Variants in MAGI2 observed in about 807,000 individuals in gnomAD.
MAGI2 encodes membrane associated guanylate kinase, WW and PDZ domain containing 2.
Under a neutral mutation model 133.3 loss-of-function variants are expected in MAGI2, and 35 were observed. That is an observed-to-expected ratio of 0.26 (90% CI 0.20 to 0.35). The LOEUF (loss-of-function observed/expected upper bound fraction) is 0.35, where lower values mean the gene tolerates loss of function less well. MAGI2 is among the 10% of genes least tolerant of loss of function. MAGI2 has a pLI of 1.00. For missense variants in MAGI2, 1,636 were observed against 1,863.4 expected, an observed-to-expected ratio of 0.88 and a Z score of 2.25; for synonymous variants, 729 against 710.6, an observed-to-expected ratio of 1.03 and a Z score of -0.41.
chr7:78,923,098 C>T (rs137965894), intron 2 of MAGI2, among the ~76,000 whole-genome samples: 40,213 of 151,810 alleles, frequency 0.26, 5,759 homozygotes, highest in South Asian at 0.37. Context: ...TATTAGCCCT[C>T]TGTCAGATGA....
intron 2 of MAGI2, among the ~76,000 whole-genome samples, chr7:78,656,749 TTAAAAA>T (rs1355992453): frequency 6.6e-6 from 1 of 152,096 alleles, no homozygotes; most frequent in Non-Finnish European, 1.5e-5. Flanking sequence ...ATATATACAA[TTAAAAA>T]TAATCACGTT....
At chr7:78,822,955 A>G (rs543720879) in intron 2 of MAGI2, among the ~76,000 whole-genome samples, 1 of 152,326 alleles carries the variant, frequency 6.6e-6, no homozygotes, top group African/African-American at 2.4e-5. Context: ...TCAGTATAAA[A>G]TATTTTTACT....
intron 1 of MAGI2, among the ~76,000 whole-genome samples, chr7:79,031,225 T>C (rs570944022): frequency 6.6e-6 from 1 of 152,318 alleles, no homozygotes. Flanking sequence ...TCCATTCTCA[T>C]CATTCACCAT....
chr7:79,374,615 C>T (rs848918), intron 1 of MAGI2, among the ~76,000 whole-genome samples: 75,898 of 151,722 alleles, frequency 0.5, 20,421 homozygotes, highest in African/African-American at 0.7. Flanking sequence ...ATCTTTTATA[C>T]AATATACATG....
chr7:78,677,941 AC>A (rs1341940682), intron 2 of MAGI2, among the ~76,000 whole-genome samples: 2 of 152,222 alleles, frequency 1.3e-5, no homozygotes, highest in African/African-American at 4.8e-5. Flanking sequence ...AAAAAACAGA[AC>A]CAAAATCTAA....
Position 78,019,967 on chromosome 7 carries a change from G to C in MAGI2, c.3716C>G (p.Ala1239Gly), listed in dbSNP as rs1353220793. 6.2e-7 allele frequency: 1 copy of C among 1,605,490 alleles called. No homozygotes were observed. Among genetic ancestry groups the C allele is most frequent in the Admixed American group, 1.7e-5 (1 of 58,916 alleles). Residue 1239 changes from alanine to glycine, a missense_variant, in exon 22 of 22, where the codon GCC becomes GGC. Around this residue, in one of 5 missense-constraint regions of MAGI2, gnomAD observed 354 missense variants for 298.7 expected, o/e 1.19. Transcript: ENST00000354212. ...GGCGGCAGCGGGAGAACTCCAGGGG[G>C]CGGGTTCGTCTGTGGACGGGAAGCA... ...TGQVPEYDEP[A>G]PWSSPAAAAP...
chr7:78,315,228 T>G (rs567796574), intron 9 of MAGI2, among the ~76,000 whole-genome samples: 2 of 152,254 alleles, frequency 1.3e-5, no homozygotes, highest in Admixed American at 1.3e-4. Context: ...GGGACATCAG[T>G]AAGCAATATG....
Position 79,043,631 on chromosome 7 carries a change from G to A in MAGI2, c.302-36425C>T, listed in dbSNP as rs189478699. 2.6e-4 allele frequency among the ~76,000 whole-genome samples: 38 copies of A among 143,892 alleles called. No individual in the cohort carries two copies. In the East Asian group the frequency reaches 6.4e-3, roughly 24 times the overall value. The allele number at this position is 143,892 out of a possible 152,430, so 94.4% of individuals were successfully genotyped here. The stretch of plus-strand genomic sequence containing the variant: ...CAAAAGTTGGTCTTTGAAAGAATAA[G>A]ATCGATAAACTGCTAGGTAGACTAA... On this transcript the variant is annotated intron_variant, in intron 1 of 21. Transcript: ENST00000354212.
intron 1 of MAGI2, among the ~76,000 whole-genome samples, chr7:79,011,920 C>CTTT (rs1562785320): frequency 1.1e-4 from 13 of 123,446 alleles, no homozygotes; most frequent in African/African-American, 4.4e-4. Flanking sequence ...TTCCTTCCTT[C>CTTT]CTTCCTTTCT....
intron 1 of MAGI2, among the ~76,000 whole-genome samples, chr7:79,231,461 T>G (rs1831368326): frequency 1.3e-5 from 1 of 76,610 alleles, no homozygotes; most frequent in African/African-American, 3.7e-5. Context: ...TATCCTCTTT[T>G]ATTTCCTTGA....
intron 21 of MAGI2, among the ~76,000 whole-genome samples, chr7:78,072,021 G>A (rs3807755): frequency 0.28 from 42,107 of 152,050 alleles, 6,407 homozygotes; most frequent in East Asian, 0.5. Flanking sequence ...AGCACACCAA[G>A]GCAGACCCAG....
chr7:78,655,905 C>T (rs902060482), intron 2 of MAGI2, among the ~76,000 whole-genome samples: 7 of 140,544 alleles, frequency 5.0e-5, no homozygotes, highest in Admixed American at 3.2e-4. Context: ...GGCCTGAACC[C>T]GGGAGGCGGA....
intron 2 of MAGI2, among the ~76,000 whole-genome samples, chr7:78,712,199 C>T (rs895147045): frequency 1.3e-5 from 2 of 152,136 alleles, no homozygotes; most frequent in African/African-American, 4.8e-5. Context: ...CAAGTTCCTA[C>T]TTACAGTAAA....
chr7:79,296,534 C>T (rs1025229620), intron 1 of MAGI2, among the ~76,000 whole-genome samples: 1 of 152,098 alleles, frequency 6.6e-6, no homozygotes, highest in African/African-American at 2.4e-5. Flanking sequence ...TCATTTGTGG[C>T]AACATGGATG....
chr7:78,592,169 T>C (rs1321373021), intron 3 of MAGI2, among the ~76,000 whole-genome samples: 1 of 152,162 alleles, frequency 6.6e-6, no homozygotes, highest in Non-Finnish European at 1.5e-5. Flanking sequence ...TATAGCACTT[T>C]CCGGTGCTAA....
intron 6 of MAGI2, among the ~76,000 whole-genome samples, chr7:78,376,370 T>C (rs1794450331): frequency 6.6e-6 from 1 of 152,142 alleles, no homozygotes; most frequent in South Asian, 2.1e-4. Context: ...GGCTATGAAG[T>C]CTTTATTTAT....
At chr7:78,362,733 C>T (rs964126282) in intron 7 of MAGI2, among the ~76,000 whole-genome samples, 15 of 152,186 alleles carry the variant, frequency 9.9e-5, no homozygotes, top group African/African-American at 3.4e-4. Flanking sequence ...GATATCCATG[C>T]TCCTTTTGTT....
At chr7:78,456,471 C>T (rs1311194862) in intron 6 of MAGI2, among the ~76,000 whole-genome samples, 1 of 152,132 alleles carries the variant, frequency 6.6e-6, no homozygotes, top group Non-Finnish European at 1.5e-5. Flanking sequence ...TTACTGAGCA[C>T]ATACTCTAGG....
At chr7:78,539,463 G>A (rs1017376211) in intron 3 of MAGI2, among the ~76,000 whole-genome samples, 1 of 149,288 alleles carries the variant, frequency 6.7e-6, no homozygotes, top group Middle Eastern at 3.4e-3. Context: ...AGGGATATTG[G>A]TCTGTAGTTT....
Sources: allele counts gnomAD v4.1 joint callset (sites outside exome capture counted in the v4.1 genomes callset), GRCh38; gene constraint gnomAD v4.1.1; regional missense constraint gnomAD v4.1.1; transcripts MANE v1.5; gene names NCBI Gene and HGNC (gene_info 2026-07-23, HGNC 2026-07-21).